Variants in FYB1 observed in about 807,000 individuals in gnomAD.
FYB1 encodes the protein FYN binding protein 1.
A neutral mutation model predicts 94.1 loss-of-function variants in FYB1; 41 were observed. That is an observed-to-expected ratio of 0.44 (90% CI 0.34 to 0.57). FYB1 has a LOEUF of 0.57. FYB1 is among the 20% of genes least tolerant of loss of function. The probability of loss-of-function intolerance (pLI) is 0.02; values close to 1 mark genes in which losing one functional copy is unlikely to be tolerated. For synonymous variants in FYB1, 367 were observed against 353.2 expected (o/e 1.04, Z -0.44); for missense variants, 1,050 against 976.8 (o/e 1.07, Z -1.00).
intron 2 of FYB1, among the ~76,000 whole-genome samples, chr5:39,197,149 A>G (rs1747905351): frequency 6.6e-6 from 1 of 152,224 alleles, no homozygotes; most frequent in South Asian, 2.1e-4. Context: ...TTTGAACACT[A>G]GTATAATTAC....
intron 1 of FYB1, among the ~76,000 whole-genome samples, chr5:39,248,504 C>T (rs940790820): frequency 3.9e-5 from 6 of 151,990 alleles, no homozygotes; most frequent in African/African-American, 9.7e-5. Context: ...CATGGAGAAA[C>T]CTCGAAGACG....
chr5:39,213,778 C>A (rs924312450), intron 1 of FYB1, among the ~76,000 whole-genome samples: 1 of 151,990 alleles, frequency 6.6e-6, no homozygotes, highest in South Asian at 2.1e-4. Context: ...AACCATCTAA[C>A]TGGTAGTTTA....
upstream of FYB1, among the ~76,000 whole-genome samples, chr5:39,221,122 G>A (rs533918795): frequency 1.3e-5 from 2 of 152,284 alleles, no homozygotes; most frequent in South Asian, 4.1e-4. Flanking sequence ...TGGCCATGTG[G>A]TTAAGTTTTA....
At chr5:39,167,143 GA>G (rs973451732) in intron 2 of FYB1, among the ~76,000 whole-genome samples, 6 of 151,902 alleles carry the variant, frequency 3.9e-5, no homozygotes, top group African/African-American at 1.5e-4. Context: ...GACACAGAAG[GA>G]AAAAAATATA....
At chr5:39,126,811 C>A (rs1448470797) in intron 11 of FYB1, among the ~76,000 whole-genome samples, 2 of 150,788 alleles carry the variant, frequency 1.3e-5, no homozygotes, top group African/African-American at 2.4e-5. Flanking sequence ...GTAATCCCAG[C>A]ACTTTGGGAG....
chr5:39,170,383 T>A, intron 2 of FYB1: 1 of 743,056 alleles, frequency 1.3e-6, no homozygotes, highest in South Asian at 2.1e-5. Flanking sequence ...CTGGGCCAGC[T>A]GCACCGTGGT....
At chr5:39,108,338 G>T (rs752755565) in intron 17 of FYB1, 76 bp from the exon 18 acceptor site, 58 of 1,259,214 alleles carry the variant, frequency 4.6e-5, no homozygotes, top group Non-Finnish European at 6.3e-5. Flanking sequence ...GAAGAATAGA[G>T]TAACAGTATA....
In FYB1 at chr5:39,207,490, A is replaced by C. The variant is rs1379260994; in HGVS notation, c.-27-4503T>G. Among the ~76,000 whole-genome samples, 3 of 152,216 alleles carry C rather than the reference A, an allele frequency of 2.0e-5. No homozygotes were observed. The East Asian group carries it at 5.8e-4, about 29-fold the overall frequency. Reference sequence around the variant, plus strand: ...ACAGTTAACAAACCCAGTTTTCAGAAAATCTTTTTGAGTTTTAGCAATCTG... The same window carrying C: ...ACAGTTAACAAACCCAGTTTTCAGACAATCTTTTTGAGTTTTAGCAATCTG... On this transcript the variant is annotated intron_variant, in intron 1 of 18. Coordinates refer to ENST00000512982, the MANE Select transcript of FYB1 (RefSeq NM_001465.6).
At chr5:39,127,686 A>G in intron 11 of FYB1, 55 bp downstream of exon 11, 1 of 1,495,254 alleles carries the variant, frequency 6.7e-7, no homozygotes, top group Admixed American at 2.6e-5. Context: ...AATCAAAACT[A>G]AATTTCAATG....
At chr5:39,196,898 T>C (rs1242135337) in intron 2 of FYB1, among the ~76,000 whole-genome samples, 3 of 152,240 alleles carry the variant, frequency 2.0e-5, no homozygotes, top group Non-Finnish European at 4.4e-5. Flanking sequence ...ATAGAATTCC[T>C]ATTCATGGCT....
At position 39,126,102 on chromosome 5, in the gene FYB1, C is replaced by G; in HGVS notation, c.1941G>C (p.Thr647=). 6.2e-7 allele frequency: 1 copy of G among 1,613,506 alleles called. No individual in the cohort carries two copies. Among genetic ancestry groups the G allele is most frequent in the Non-Finnish European group, 8.5e-7 (1 of 1,179,620 alleles). Residue 647 remains threonine (T), a synonymous_variant, in exon 12 of 19, where the codon ACG becomes ACC. Transcript: ENST00000512982. ...ACATCTTCAAAATCCCCCAGGACCA[C>G]GTATTACTCTTCTCTTGAACCTGTA... ...STLQVQEKSN[T]WSWGILKMLK... is the part of the protein sequence containing the mutation.
intron 2 of FYB1, among the ~76,000 whole-genome samples, chr5:39,181,737 A>G (rs771909054): frequency 7.2e-5 from 11 of 152,292 alleles, no homozygotes; most frequent in Non-Finnish European, 1.2e-4. Flanking sequence ...ACACCTACTC[A>G]TTCTCATCCA....
intron 1 of FYB1, 92 bp from the exon 2 acceptor site, chr5:39,203,079 G>A: frequency 9.1e-7 from 1 of 1,094,750 alleles, no homozygotes; most frequent in Non-Finnish European, 1.3e-6. Context: ...CCTGGTTTGA[G>A]GCCTGCAGCG....
chr5:39,144,212 G>A (rs1382493912), intron 3 of FYB1, among the ~76,000 whole-genome samples: 1 of 152,144 alleles, frequency 6.6e-6, no homozygotes, highest in African/African-American at 2.4e-5. Flanking sequence ...AGGAGTCTGG[G>A]TATTGAGTGT....
At chr5:39,199,089 T>TGTATAC (rs1748085391) in intron 2 of FYB1, among the ~76,000 whole-genome samples, 1 of 151,702 alleles carries the variant, frequency 6.6e-6, no homozygotes, top group Non-Finnish European at 1.5e-5. Flanking sequence ...CACATGTTTA[T>TGTATAC]GTATACGTAT....
intron 1 of FYB1, chr5:39,270,751 C>G (rs1219291438): frequency 6.2e-6 from 3 of 484,192 alleles, no homozygotes; most frequent in Non-Finnish European, 1.1e-5. Flanking sequence ...ACCCTCAGAG[C>G]ATTTGTATAG....
At chr5:39,214,677 C>T (rs1447880846) in intron 1 of FYB1, among the ~76,000 whole-genome samples, 2 of 152,184 alleles carry the variant, frequency 1.3e-5, no homozygotes, top group East Asian at 1.9e-4. Flanking sequence ...CCTGTAATCC[C>T]AGCATTTTGG....
intron 1 of FYB1, among the ~76,000 whole-genome samples, chr5:39,227,810 A>G (rs1750548053): frequency 6.6e-6 from 1 of 152,152 alleles, no homozygotes; most frequent in South Asian, 2.1e-4. Flanking sequence ...AACACGCATA[A>G]AGCTTTCCTT....
At chr5:39,123,723 T>C (rs145703170) in intron 13 of FYB1, among the ~76,000 whole-genome samples, 1 of 152,280 alleles carries the variant, frequency 6.6e-6, no homozygotes, top group Non-Finnish European at 1.5e-5. Flanking sequence ...AACATTTTAT[T>C]TCGTTCAAAG....
Sources: gnomAD v4.1 joint callset for allele counts (sites outside exome capture counted in the v4.1 genomes callset) on GRCh38, gnomAD v4.1.1 for gene constraint, MANE v1.5 for transcripts, NCBI Gene and HGNC (gene_info 2026-07-23, HGNC 2026-07-21) for gene names.